Variants in ITK observed in about 807,000 individuals in gnomAD.
ITK encodes tyrosine-protein kinase ITK/TSK.
ITK carries 45 observed loss-of-function variants against 87.6 expected under a neutral mutation model. That is an observed-to-expected ratio of 0.51 (90% CI 0.40 to 0.66). The LOEUF (loss-of-function observed/expected upper bound fraction) is 0.66, where lower values mean the gene tolerates loss of function less well. Among genes scored for constraint, ITK ranks in the 30% least tolerant of loss-of-function variants. The probability of loss-of-function intolerance (pLI) is 0.00; values close to 1 mark genes in which losing one functional copy is unlikely to be tolerated. For missense variants in ITK, 605 were observed against 766.3 expected, an observed-to-expected ratio of 0.79 and a Z score of 2.48; for synonymous variants, 303 against 273.6, an observed-to-expected ratio of 1.11 and a Z score of -1.06.
intron 1 of ITK, among the ~76,000 whole-genome samples, chr5:157,187,540 G>A (rs909446704): frequency 6.6e-6 from 1 of 152,116 alleles, no homozygotes; most frequent in Admixed American, 6.5e-5. Flanking sequence ...GAGATTACTG[G>A]GTGTAGAAAC....
intron 10 of ITK, chr5:157,241,267 G>C: frequency 5.9e-6 from 1 of 170,152 alleles, no homozygotes; most frequent in Non-Finnish European, 1.2e-5. Flanking sequence ...GAGATTTGGA[G>C]GGGACAAACA....
intron 13 of ITK, chr5:157,245,108 C>G (rs1754995839): frequency 1.2e-5 from 2 of 173,542 alleles, no homozygotes. Context: ...ACCTGTAACC[C>G]TAGCTACTTG....
At position 157,252,635 on chromosome 5, in the gene ITK, G is replaced by C. The variant is rs1458679815; in HGVS notation, c.1820G>C (p.Arg607Thr). ...ERPEDRPAFS[R>T]LLRQLAEIAE... ...CCAGAAGATCGGCCAGCCTTCTCCAGACTGCTGCGTCAACTGGCTGAAATT... is the reference window on the plus strand; with the variant it reads ...CCAGAAGATCGGCCAGCCTTCTCCACACTGCTGCGTCAACTGGCTGAAATT... The change falls in exon 17 of 17, where the codon AGA becomes ACA. Residue 607 changes from arginine to threonine, a missense_variant. Transcript: ENST00000422843. 1 of 1,614,164 alleles carries C rather than the reference G, an allele frequency of 6.2e-7. No homozygotes were observed. The highest frequency in any genetic ancestry group is 8.5e-7 in the Non-Finnish European group (1 of 1,179,976).
chr5:157,243,386 C>T (rs1754953699), intron 11 of ITK, among the ~76,000 whole-genome samples: 1 of 152,162 alleles, frequency 6.6e-6, no homozygotes, highest in Non-Finnish European at 1.5e-5. Flanking sequence ...AATATGGTTT[C>T]TTTAATATCT....
At chr5:157,247,873 A>G (rs1247695238) in intron 15 of ITK, among the ~76,000 whole-genome samples, 1 of 152,160 alleles carries the variant, frequency 6.6e-6, no homozygotes, top group Non-Finnish European at 1.5e-5. Flanking sequence ...TACATTTCTC[A>G]TCTGTGTATT....
intron 8 of ITK, among the ~76,000 whole-genome samples, chr5:157,235,594 G>T (rs944150988): frequency 6.6e-6 from 1 of 152,136 alleles, no homozygotes; most frequent in Non-Finnish European, 1.5e-5. Context: ...CACATAGGGT[G>T]ACCTGAAGTT....
chr5:157,231,585 TTC>T (rs1754655227), intron 7 of ITK, among the ~76,000 whole-genome samples: 1 of 152,180 alleles, frequency 6.6e-6, no homozygotes, highest in African/African-American at 2.4e-5. Context: ...TACCCAGAAC[TTC>T]TCTCCTCCTG....
chr5:157,249,299 G>A (rs771484470), intron 16 of ITK, among the ~76,000 whole-genome samples: 1 of 152,136 alleles, frequency 6.6e-6, no homozygotes, highest in African/African-American at 2.4e-5. Context: ...GATTTTCTGA[G>A]AAGAGAAAAA....
chr5:157,205,946 C>T (rs919604639), intron 1 of ITK, among the ~76,000 whole-genome samples: 39 of 149,750 alleles, frequency 2.6e-4, no homozygotes, highest in African/African-American at 9.6e-4. Flanking sequence ...ATTCCTAAAG[C>T]CTACTTGATC....
At chr5:157,223,618 G>GT (rs34114644) in intron 6 of ITK, among the ~76,000 whole-genome samples, 69,058 of 151,024 alleles carry the variant, frequency 0.46, 16,259 homozygotes, top group East Asian at 0.78. Context: ...GCCTTTTAAG[G>GT]TTTTTTTTTC....
chr5:157,219,018 GAA>G (rs958907414), intron 5 of ITK, among the ~76,000 whole-genome samples: 1 of 145,132 alleles, frequency 6.9e-6, no homozygotes, highest in Non-Finnish European at 1.5e-5. Flanking sequence ...TTAAGGAGAT[GAA>G]AAAAAAAAGA....
At chr5:157,205,759 T>C (rs572446336) in intron 1 of ITK, among the ~76,000 whole-genome samples, 6 of 152,314 alleles carry the variant, frequency 3.9e-5, no homozygotes, top group Non-Finnish European at 7.4e-5. Context: ...ATGGCTCTTA[T>C]TATTTTGACG....
chr5:157,234,487 T>C (rs553175197), intron 8 of ITK, among the ~76,000 whole-genome samples: 4 of 152,346 alleles, frequency 2.6e-5, no homozygotes, highest in Non-Finnish European at 5.9e-5. Flanking sequence ...AGTCTTTTTA[T>C]CTAATAAGTA....
chr5:157,238,255 G>A (rs1754817348), intron 9 of ITK, 64 bp downstream of exon 9: 2 of 1,251,734 alleles, frequency 1.6e-6, no homozygotes, highest in Middle Eastern at 1.9e-4. Context: ...GAGCACTGGG[G>A]AAAAGACAAC....
intron 1 of ITK, among the ~76,000 whole-genome samples, chr5:157,190,088 A>G (rs1753724557): frequency 5.3e-5 from 8 of 152,182 alleles, no homozygotes; most frequent in Admixed American, 5.2e-4. Context: ...AAATTCAGTA[A>G]AAGTTTTCTG....
At chr5:157,239,921 A>T (rs950428141) in intron 9 of ITK, 141 bp from the exon 10 acceptor site, 8 of 861,548 alleles carry the variant, frequency 9.3e-6, no homozygotes, top group Non-Finnish European at 1.5e-5. Flanking sequence ...ATCTGTCAAG[A>T]CAGACTTATA....
chr5:157,227,862 G>T (rs546812934), intron 6 of ITK, among the ~76,000 whole-genome samples: 1 of 112,770 alleles, frequency 8.9e-6, no homozygotes, highest in African/African-American at 3.6e-5. Flanking sequence ...ACAGAGTCTC[G>T]CTCTGTTGCC....
Position 157,240,150 on chromosome 5 carries a change from G to A in ITK, c.940G>A (p.Asp314Asn), listed in dbSNP as rs138078237. 1.4e-5 allele frequency: 22 copies of A among 1,614,078 alleles called. No homozygotes were observed. Among genetic ancestry groups the A allele is most frequent in the East Asian group, 2.2e-5 (1 of 44,880 alleles). ...CTATGTGGCTGAAAAGTATGTGTTC[G>A]ATTCCATCCCTCTTCTCATCAACTA... ...RYYVAEKYVF[D>N]SIPLLINYHQ... Residue 314 changes from aspartate to asparagine, a missense_variant, in exon 10 of 17, where the codon GAT becomes AAT. This residue lies in a region of ITK where 464 missense variants were observed against 578.0 expected (regional missense o/e 0.80). Coordinates refer to ENST00000422843, the MANE Select transcript of ITK (RefSeq NM_005546.4).
chr5:157,190,283 A>T (rs899723866), intron 1 of ITK, among the ~76,000 whole-genome samples: 2 of 151,968 alleles, frequency 1.3e-5, no homozygotes, highest in Admixed American at 1.3e-4. Context: ...TTCCCCCCAA[A>T]CTTCATATAT....
Sources: gnomAD v4.1 joint callset for allele counts (sites outside exome capture counted in the v4.1 genomes callset) on GRCh38, gnomAD v4.1.1 for gene constraint, gnomAD v4.1.1 regional missense constraint, MANE v1.5 for transcripts, NCBI Gene and HGNC (gene_info 2026-07-23, HGNC 2026-07-21) for gene names.